Variants in CNKSR3 observed in about 807,000 individuals in gnomAD.
CNKSR3 encodes connector enhancer of kinase suppressor of ras 3.
In CNKSR3, 36 loss-of-function variants were observed where a neutral mutation model predicts 67.7. That is an observed-to-expected ratio of 0.53 (90% confidence interval 0.41 to 0.70). The LOEUF (loss-of-function observed/expected upper bound fraction) is 0.70. Ranked by LOEUF, CNKSR3 falls within the 30% of genes least tolerant of loss-of-function variation. The pLI is 0.00. For missense variants in CNKSR3, 630 were observed against 695.2 expected (o/e 0.91, Z 1.05); for synonymous variants, 281 against 271.4 (o/e 1.04, Z -0.35).
rs1188549741 is a variant in CNKSR3 at position 154,406,248 on chromosome 6, A to G, written c.*106T>C. 9.6e-7 allele frequency: 1 copy of G among 1,042,638 alleles called. No individual in the cohort carries two copies. The highest frequency in any genetic ancestry group is 1.4e-6 in the Non-Finnish European group (1 of 726,988). The allele number at this position is 1,042,638 out of a possible 1,614,324, so 64.6% of individuals were successfully genotyped here. A position where few individuals can be genotyped will look rare whatever the true frequency, so the allele number is the denominator to read the frequency against. Reference sequence around the variant, plus strand: ...ACTTTTCAAAAGAAAAAGAAATTGCATAAGGTCCCTACATAATACTGAGGC... The same window carrying G: ...ACTTTTCAAAAGAAAAAGAAATTGCGTAAGGTCCCTACATAATACTGAGGC... On this transcript the variant is annotated 3_prime_UTR_variant, in exon 13 of 13. Transcript: ENST00000607772.
At chr6:154,417,305 T>C (rs1299180161) in intron 9 of CNKSR3, among the ~76,000 whole-genome samples, 1 of 152,170 alleles carries the variant, frequency 6.6e-6, no homozygotes, top group African/African-American at 2.4e-5. Context: ...TGACTAAGGG[T>C]CCCACAACAG....
chr6:154,448,612 C>G (rs1468247022), intron 2 of CNKSR3, among the ~76,000 whole-genome samples: 2 of 151,984 alleles, frequency 1.3e-5, no homozygotes, highest in Non-Finnish European at 2.9e-5. Context: ...TGTAGCAGAG[C>G]CAGGATTAGA....
At chr6:154,412,212 A>G (rs1464690308) in intron 10 of CNKSR3, among the ~76,000 whole-genome samples, 1 of 152,154 alleles carries the variant, frequency 6.6e-6, no homozygotes, top group Non-Finnish European at 1.5e-5. Context: ...CCACAAATAT[A>G]TCTCCTTCCA....
rs558233409 is a variant in CNKSR3, at chr6:154,474,408, G to A, written c.53-24150C>T. Among the ~76,000 whole-genome samples the A allele has an allele frequency of 5.0e-4, 57 of 114,034 alleles. No individual in the cohort carries two copies. The South Asian group carries it at 0.015, about 31-fold the overall frequency. The allele number at this position is 114,034 out of a possible 152,430, so 74.8% of individuals were successfully genotyped here. ...AGCCCGGGTGACAAAGCAAGACTCC[G>A]TCTCAAAAAAAAAAAAGTGGGGGGG... is the stretch of plus-strand genomic sequence containing the variant. On this transcript the variant is annotated intron_variant, in intron 1 of 12. Coordinates refer to ENST00000607772, the MANE Select transcript of CNKSR3 (RefSeq NM_173515.4).
chr6:154,497,051 T>A (rs1786893603), intron 1 of CNKSR3, among the ~76,000 whole-genome samples: 1 of 152,118 alleles, frequency 6.6e-6, no homozygotes, highest in Non-Finnish European at 1.5e-5. Context: ...AGATAATGCA[T>A]GGGAAGCCTT....
chr6:154,471,555 T>C (rs1051733675), intron 1 of CNKSR3, among the ~76,000 whole-genome samples: 1 of 152,002 alleles, frequency 6.6e-6, no homozygotes, highest in Admixed American at 6.6e-5. Context: ...ATAAATAACA[T>C]GAATATAAAT....
intron 1 of CNKSR3, among the ~76,000 whole-genome samples, chr6:154,489,819 G>A (rs1437983229): frequency 6.6e-6 from 1 of 152,122 alleles, no homozygotes. Context: ...AACATATAAA[G>A]ACTAAATTAC....
rs574893057 is a variant in CNKSR3 at position 154,391,603 on chromosome 6, T to G, written c.*14751A>C. 6.6e-6 allele frequency: 1 copy of G among 152,370 alleles called. No homozygotes were observed. The highest frequency in any genetic ancestry group is 6.5e-5 in the Admixed American group (1 of 15,308). The allele number at this position is 152,370 out of a possible 1,614,324, so 9.4% of individuals were successfully genotyped here. ...TGAGGTACTGGGGTTAGGACTTCAA[T>G]ATGTGAATTTGGAGAGAACGTAATT... On this transcript the variant is annotated 3_prime_UTR_variant, in exon 13 of 13. Coordinates refer to ENST00000607772, the MANE Select transcript of CNKSR3 (RefSeq NM_173515.4).
chr6:154,486,817 T>C (rs1423087333), intron 1 of CNKSR3, among the ~76,000 whole-genome samples: 1 of 152,160 alleles, frequency 6.6e-6, no homozygotes, highest in Admixed American at 6.5e-5. Flanking sequence ...TTAAAATATT[T>C]TTTAATTAAA....
intron 9 of CNKSR3, among the ~76,000 whole-genome samples, chr6:154,415,523 G>A (rs111884801): frequency 0.022 from 3,354 of 152,202 alleles, 74 homozygotes; most frequent in Non-Finnish European, 0.028. Flanking sequence ...GAACCACCAC[G>A]CACAGCCCTT....
intron 6 of CNKSR3, 94 bp downstream of exon 6, chr6:154,430,378 G>T (rs1473016806): frequency 2.3e-5 from 27 of 1,165,122 alleles, no homozygotes; most frequent in Non-Finnish European, 3.2e-5. Context: ...CTGCTTTTCA[G>T]AATTATAGTG....
intron 2 of CNKSR3, among the ~76,000 whole-genome samples, chr6:154,443,396 G>A (rs1049215644): frequency 1.3e-5 from 2 of 151,650 alleles, no homozygotes; most frequent in East Asian, 1.9e-4. Context: ...TCAGATGGCA[G>A]TAGTACCTCC....
In CNKSR3 at chr6:154,397,669, G is replaced by A. The variant is rs918842745; in HGVS notation, c.*8685C>T. ...ATGCACAGGGCAGACAGTAGAGCCT[G>A]CAACTGTGATGGAATTAACAGGGTA... On this transcript the variant is annotated 3_prime_UTR_variant, in exon 13 of 13. Coordinates refer to ENST00000607772, the MANE Select transcript of CNKSR3 (RefSeq NM_173515.4). The A allele has an allele frequency of 6.6e-6, 1 of 152,246 alleles. No homozygotes were observed. Among genetic ancestry groups the A allele is most frequent in the Non-Finnish European group, 1.5e-5 (1 of 68,092 alleles). 9.4% of individuals were successfully genotyped at this position (152,246 alleles called of 1,614,324 possible).
intron 1 of CNKSR3, among the ~76,000 whole-genome samples, chr6:154,488,160 A>C (rs1390982217): frequency 6.6e-6 from 1 of 152,244 alleles, no homozygotes; most frequent in Non-Finnish European, 1.5e-5. Flanking sequence ...TAATGTTTTT[A>C]TAATGTTATA....
intron 4 of CNKSR3, among the ~76,000 whole-genome samples, chr6:154,438,377 T>G (rs936965262): frequency 3.9e-5 from 6 of 152,232 alleles, no homozygotes; most frequent in Admixed American, 3.3e-4. Flanking sequence ...GTTTTATATA[T>G]ACACACACAA....
chr6:154,445,490 C>T (rs547083159), intron 2 of CNKSR3, among the ~76,000 whole-genome samples: 3 of 152,178 alleles, frequency 2.0e-5, no homozygotes, highest in African/African-American at 7.2e-5. Context: ...TCCCCTCATT[C>T]GGTCACTCAG....
chr6:154,399,863 C>A lies in CNKSR3; in HGVS notation c.*6491G>T, dbSNP rs780783001. On this transcript the variant is annotated 3_prime_UTR_variant, in exon 13 of 13. Coordinates refer to ENST00000607772, the MANE Select transcript of CNKSR3 (RefSeq NM_173515.4). The stretch of plus-strand genomic sequence containing the variant: ...ATATCTTAAAATCCAGTTTTCACCC[C>A]TCTAACAATAAAGTTAAATCCTCCC... The A allele has an allele frequency of 9.2e-5, 14 of 152,108 alleles. No homozygotes were observed. Among genetic ancestry groups the A allele is most frequent in the Non-Finnish European group, 1.9e-4 (13 of 68,014 alleles). The allele number at this position is 152,108 out of a possible 1,614,324, so 9.4% of individuals were successfully genotyped here. A position where few individuals can be genotyped will look rare whatever the true frequency, so the allele number is the denominator to read the frequency against.
chr6:154,466,100 G>A (rs1426877598), intron 1 of CNKSR3, among the ~76,000 whole-genome samples: 2 of 152,218 alleles, frequency 1.3e-5, no homozygotes, highest in Non-Finnish European at 2.9e-5. Context: ...AAAATGGCAA[G>A]TTATCCCTTG....
At chr6:154,410,721 T>C (rs1784892535) in intron 11 of CNKSR3, among the ~76,000 whole-genome samples, 2 of 152,136 alleles carry the variant, frequency 1.3e-5, no homozygotes, top group Admixed American at 1.3e-4. Context: ...TCTCACCCAG[T>C]TGGGCTTTCA....
Sources: allele counts gnomAD v4.1 joint callset (sites outside exome capture counted in the v4.1 genomes callset), GRCh38; gene constraint gnomAD v4.1.1; transcripts MANE v1.5; gene names NCBI Gene and HGNC (gene_info 2026-07-23, HGNC 2026-07-21).